Variants in EPHA6 observed in about 807,000 individuals in gnomAD.
EPHA6 encodes the protein EPH receptor A6.
In EPHA6, 50 loss-of-function variants were observed where a neutral mutation model predicts 112.0. The ratio of observed to expected loss-of-function variants is 0.45; its 90% confidence interval spans 0.36 to 0.56. The LOEUF is 0.56. Ranked by LOEUF, EPHA6 falls within the 20% of genes least tolerant of loss-of-function variation. The probability of loss-of-function intolerance (pLI) is 0.00; values close to 1 mark genes in which losing one functional copy is unlikely to be tolerated. For synonymous variants in EPHA6, 529 were observed against 490.7 expected, an observed-to-expected ratio of 1.08 and a Z score of -1.03; for missense variants, 1,280 against 1,417.4, an observed-to-expected ratio of 0.90 and a Z score of 1.56.
At chr3:97,344,936 A>C (rs1311558785) in intron 5 of EPHA6, among the ~76,000 whole-genome samples, 1 of 152,116 alleles carries the variant, frequency 6.6e-6, no homozygotes, top group African/African-American at 2.4e-5. Context: ...AAGGAGAAAG[A>C]ATAGGATTGG....
At chr3:97,309,310 G>A (rs2081450063) in intron 5 of EPHA6, among the ~76,000 whole-genome samples, 2 of 151,484 alleles carry the variant, frequency 1.3e-5, no homozygotes, top group African/African-American at 4.8e-5. Flanking sequence ...CTGTTTACTT[G>A]TCCATTAAAA....
intron 1 of EPHA6, among the ~76,000 whole-genome samples, chr3:96,829,947 G>GCACACA (rs1349079216): frequency 2.6e-4 from 18 of 70,516 alleles, no homozygotes; most frequent in East Asian, 1.2e-3. Flanking sequence ...GTGCGCGCGC[G>GCACACA]CGCACACACA....
intron 5 of EPHA6, among the ~76,000 whole-genome samples, chr3:97,339,108 C>T (rs2083190457): frequency 6.6e-6 from 1 of 152,114 alleles, no homozygotes; most frequent in Non-Finnish European, 1.5e-5. Context: ...TTTGATTGTC[C>T]TGACTTAGGT....
chr3:96,882,527 C>G (rs1323536562), intron 2 of EPHA6, among the ~76,000 whole-genome samples: 2 of 152,078 alleles, frequency 1.3e-5, no homozygotes. Flanking sequence ...ACCATTCCCC[C>G]CAAGTCCCCA....
At chr3:97,539,101 TTC>T (rs1156888245) in intron 11 of EPHA6, among the ~76,000 whole-genome samples, 29 of 142,142 alleles carry the variant, frequency 2.0e-4, no homozygotes, top group African/African-American at 4.1e-4. Flanking sequence ...CCTTCCTTCC[TTC>T]CTTTCTTTCT....
intron 14 of EPHA6, among the ~76,000 whole-genome samples, chr3:97,654,436 A>G (rs1422191366): frequency 6.6e-6 from 1 of 151,960 alleles, no homozygotes; most frequent in Non-Finnish European, 1.5e-5. Flanking sequence ...TTCTTCATAC[A>G]GTTTACAGTC....
intron 2 of EPHA6, among the ~76,000 whole-genome samples, chr3:96,895,780 T>C (rs2038237898): frequency 6.6e-6 from 1 of 152,230 alleles, no homozygotes. Context: ...CCCTGGTTTA[T>C]AGGTGCATCG....
At chr3:96,990,069 A>G (rs1343558860) in intron 3 of EPHA6, among the ~76,000 whole-genome samples, 1 of 152,212 alleles carries the variant, frequency 6.6e-6, no homozygotes, top group Non-Finnish European at 1.5e-5. Context: ...AATTAGGTAG[A>G]AAGCCATTAC....
intron 3 of EPHA6, among the ~76,000 whole-genome samples, chr3:97,119,171 G>A (rs2047974732): frequency 6.6e-6 from 1 of 151,898 alleles, no homozygotes; most frequent in African/African-American, 2.4e-5. Context: ...ATTAATCAGT[G>A]ACAAAACACT....
intron 16 of EPHA6, among the ~76,000 whole-genome samples, chr3:97,744,024 T>C (rs2035612945): frequency 6.6e-6 from 1 of 152,014 alleles, no homozygotes; most frequent in Non-Finnish European, 1.5e-5. Context: ...CTACTCATTT[T>C]TAAACATATT....
At chr3:97,071,971 T>A (rs539740107) in intron 3 of EPHA6, among the ~76,000 whole-genome samples, 4 of 152,148 alleles carry the variant, frequency 2.6e-5, no homozygotes, top group African/African-American at 9.6e-5. Context: ...TATATGGTGT[T>A]TGGTTTTGCC....
intron 2 of EPHA6, among the ~76,000 whole-genome samples, chr3:96,951,713 C>T (rs1382888980): frequency 6.6e-6 from 1 of 151,976 alleles, no homozygotes; most frequent in Non-Finnish European, 1.5e-5. Flanking sequence ...AATCAGAGTG[C>T]CGAGGCTGTG....
At chr3:96,969,110 A>G (rs1353580742) in intron 2 of EPHA6, among the ~76,000 whole-genome samples, 1 of 151,918 alleles carries the variant, frequency 6.6e-6, no homozygotes, top group Non-Finnish European at 1.5e-5. Context: ...TACTAATTTG[A>G]TATACTAAGA....
At position 97,750,313 on chromosome 3, in the gene EPHA6, A is replaced by G. The variant is rs980003067; in HGVS notation, c.*1612A>G. The stretch of plus-strand genomic sequence containing the variant: ...CATAGTAGTGGTTTTTTTTTTTTAA[A>G]TAAAGGACCCTGTTTTTGTTTTTTG... On this transcript the variant is annotated 3_prime_UTR_variant, in exon 18 of 18. Transcript: ENST00000389672. Among the ~76,000 whole-genome samples, 2 of 150,902 alleles carry G rather than the reference A, an allele frequency of 1.3e-5. No homozygotes were observed. Among genetic ancestry groups the G allele is most frequent in the Non-Finnish European group, 3.0e-5 (2 of 67,740 alleles).
intron 2 of EPHA6, among the ~76,000 whole-genome samples, chr3:96,975,388 T>C (rs187063903): frequency 3.9e-5 from 6 of 152,246 alleles, no homozygotes; most frequent in African/African-American, 1.2e-4. Context: ...CTTAACGTCA[T>C]AGAATACGTA....
chr3:96,983,168 C>A (rs938517693), intron 2 of EPHA6, among the ~76,000 whole-genome samples: 1 of 152,140 alleles, frequency 6.6e-6, no homozygotes, highest in African/African-American at 2.4e-5. Flanking sequence ...TACAATCTGG[C>A]ATGTTTTTGC....
At chr3:97,132,889 T>C (rs2075669818) in intron 3 of EPHA6, among the ~76,000 whole-genome samples, 2 of 152,168 alleles carry the variant, frequency 1.3e-5, no homozygotes, top group South Asian at 2.1e-4. Context: ...ATTCGTTGTA[T>C]ATAAATTAAT....
chr3:97,676,293 C>T (rs13061095), intron 14 of EPHA6, among the ~76,000 whole-genome samples: 34,507 of 151,840 alleles, frequency 0.23, 4,619 homozygotes, highest in Non-Finnish European at 0.3. Flanking sequence ...AGAAAAAGAG[C>T]CAGAAATGAA....
chr3:96,905,867 A>G (rs1255589266), intron 2 of EPHA6, among the ~76,000 whole-genome samples: 1 of 152,076 alleles, frequency 6.6e-6, no homozygotes, highest in African/African-American at 2.4e-5. Flanking sequence ...ACTTTGCAGA[A>G]TCTCATAATT....
Sources: gnomAD v4.1 joint callset for allele counts (sites outside exome capture counted in the v4.1 genomes callset) on GRCh38, gnomAD v4.1.1 for gene constraint, MANE v1.5 for transcripts, NCBI Gene and HGNC (gene_info 2026-07-23, HGNC 2026-07-21) for gene names.